ZNF423: variants seen among roughly 807,000 people sequenced by gnomAD.
The protein encoded by ZNF423 is Ebf-associated zinc finger protein.
ZNF423 carries 12 observed loss-of-function variants against 95.8 expected under a neutral mutation model. The ratio of observed to expected loss-of-function variants is 0.13; its 90% CI spans 0.08 to 0.20. The LOEUF (loss-of-function observed/expected upper bound fraction) is 0.20. Ranked by LOEUF, ZNF423 falls within the 10% of genes least tolerant of loss-of-function variation. ZNF423 has a pLI of 1.00. For synonymous variants in ZNF423, 749 were observed against 711.9 expected, an observed-to-expected ratio of 1.05 and a Z score of -0.83; for missense variants, 1,316 against 1,737.1, an observed-to-expected ratio of 0.76 and a Z score of 4.31.
chr16:49,750,438 G>A (rs1044282420), intron 2 of ZNF423, among the ~76,000 whole-genome samples: 4 of 152,224 alleles, frequency 2.6e-5, no homozygotes, highest in African/African-American at 9.6e-5. Context: ...ACTCCTCTGG[G>A]AGGTACCTTC....
chr16:49,673,147 A>C (rs2151927636), intron 3 of ZNF423, among the ~76,000 whole-genome samples: 1 of 152,350 alleles, frequency 6.6e-6, no homozygotes, highest in Non-Finnish European at 1.5e-5. Flanking sequence ...AAATATGCTA[A>C]ACACAGCCCC....
chr16:49,851,371 A>G (rs2035299762), intron 1 of ZNF423, among the ~76,000 whole-genome samples: 1 of 152,252 alleles, frequency 6.6e-6, no homozygotes, highest in East Asian at 1.9e-4. Context: ...CCAAATGAAC[A>G]GTTAAGAGAA....
intron 5 of ZNF423, among the ~76,000 whole-genome samples, chr16:49,576,571 GC>G (rs1970508502): frequency 6.6e-6 from 1 of 152,202 alleles, no homozygotes; most frequent in Non-Finnish European, 1.5e-5. Flanking sequence ...GTAGCTCAAG[GC>G]CAACCCTTAG....
At position 49,855,291 on chromosome 16, in the gene ZNF423, C is replaced by A. The variant is rs886356484; in HGVS notation, c.40+444G>T. ...AGCGAGGAGCGGTCGGCCTGCCGGG[C>A]GCCCGTCCTCGCCGCCTCTTCCTTC... On this transcript the variant is annotated intron_variant, in intron 1 of 7. Transcript: ENST00000563137. This position sits in a 1 kb window ranked among gnomAD's most constrained non-coding sequence, Gnocchi z 4.7. 3.3e-5 allele frequency among the ~76,000 whole-genome samples: 5 copies of A among 151,448 alleles called. No individual in the cohort carries two copies. The highest frequency in any genetic ancestry group is 6.6e-5 in the Admixed American group (1 of 15,224).
chr16:49,815,814 GGATT>G (rs2034826829), intron 1 of ZNF423, among the ~76,000 whole-genome samples: 1 of 138,072 alleles, frequency 7.2e-6, no homozygotes, highest in South Asian at 2.3e-4. Flanking sequence ...CTAGAAATCT[GGATT>G]TTTGTGCATA....
rs552485177 is a variant in ZNF423 at position 49,793,084 on chromosome 16, GAGAA to G, written c.41-3542_41-3539del. Among the ~76,000 whole-genome samples the G allele has an allele frequency of 1.2e-4, 19 of 152,184 alleles. 1 individual carries two copies. In the East Asian group the frequency reaches 3.5e-3, roughly 28 times the overall value. ...CGCCTGGTTTTTATACATTCTTGAT[GAGAA>G]AGAGTCAACACCCAACCCCCCACCA... On this transcript the variant is annotated intron_variant, in intron 1 of 7. Transcript: ENST00000563137.
chr16:49,769,192 C>A (rs533893511), intron 2 of ZNF423, among the ~76,000 whole-genome samples: 31 of 152,082 alleles, frequency 2.0e-4, no homozygotes, highest in African/African-American at 6.7e-4. Context: ...CCCATCTCTA[C>A]TAAAAATAAA....
intron 3 of ZNF423, among the ~76,000 whole-genome samples, chr16:49,724,582 G>A (rs112802194): frequency 1.3e-5 from 2 of 152,172 alleles, no homozygotes. Context: ...AGCAAGAAAG[G>A]GGCCTGAGCC....
intron 2 of ZNF423, among the ~76,000 whole-genome samples, chr16:49,782,322 C>T (rs1191361830): frequency 6.6e-6 from 1 of 152,218 alleles, no homozygotes; most frequent in African/African-American, 2.4e-5. Context: ...GCTGAGTGAC[C>T]TAGAACCAAG....
At chr16:49,622,437 C>A (rs150723815) in intron 5 of ZNF423, among the ~76,000 whole-genome samples, 1 of 152,082 alleles carries the variant, frequency 6.6e-6, no homozygotes, top group Non-Finnish European at 1.5e-5. Flanking sequence ...GCTCACCCCC[C>A]ATCCTGCTAT....
intron 1 of ZNF423, among the ~76,000 whole-genome samples, chr16:49,796,901 G>A (rs1375053440): frequency 6.6e-6 from 1 of 152,152 alleles, no homozygotes. Context: ...ATAACTTTAA[G>A]CACCCATAGA....
intron 1 of ZNF423, among the ~76,000 whole-genome samples, chr16:49,818,975 C>T (rs1597038743): frequency 1.3e-5 from 2 of 150,854 alleles, no homozygotes; most frequent in Non-Finnish European, 3.0e-5. Context: ...CAGCTCTGGC[C>T]GGGTGCAGTG....
intron 5 of ZNF423, among the ~76,000 whole-genome samples, chr16:49,581,101 C>G (rs943403945): frequency 6.6e-6 from 1 of 152,122 alleles, no homozygotes; most frequent in Non-Finnish European, 1.5e-5. Context: ...ACTCACCACC[C>G]GCTCCCCAAA....
intron 5 of ZNF423, among the ~76,000 whole-genome samples, chr16:49,585,663 C>T (rs948547690): frequency 6.6e-6 from 1 of 152,252 alleles, no homozygotes; most frequent in Non-Finnish European, 1.5e-5. Flanking sequence ...AGCCGGCTGA[C>T]TGTTCAAAGG....
intron 5 of ZNF423, among the ~76,000 whole-genome samples, chr16:49,625,764 G>C (rs1004509799): frequency 6.6e-6 from 1 of 152,230 alleles, no homozygotes; most frequent in Admixed American, 6.5e-5. Flanking sequence ...AAATAACTTT[G>C]TAAGCGTTCT....
chr16:49,610,022 A>G (rs1224871319), intron 5 of ZNF423, among the ~76,000 whole-genome samples: 2 of 152,240 alleles, frequency 1.3e-5, no homozygotes, highest in Non-Finnish European at 2.9e-5. Context: ...GCAAGAAGGA[A>G]GTGGCAGAGC....
intron 7 of ZNF423, among the ~76,000 whole-genome samples, chr16:49,520,980 T>A (rs745635948): frequency 1.6e-4 from 24 of 152,224 alleles, no homozygotes; most frequent in Admixed American, 1.2e-3. Context: ...TCTCAGTATT[T>A]GAGGATCTGA....
chr16:49,668,681 G>A (rs991904538), intron 3 of ZNF423, among the ~76,000 whole-genome samples: 11 of 152,130 alleles, frequency 7.2e-5, no homozygotes, highest in Non-Finnish European at 1.5e-4. Flanking sequence ...AGGACCTGGG[G>A]AAACAGTTCC....
At chr16:49,797,662 C>T (rs1412492828) in intron 1 of ZNF423, among the ~76,000 whole-genome samples, 1 of 152,212 alleles carries the variant, frequency 6.6e-6, no homozygotes, top group Non-Finnish European at 1.5e-5. Flanking sequence ...AAGCTCAGAC[C>T]ATCAGAAAAG....
Sources: gnomAD v4.1 joint callset for allele counts (sites outside exome capture counted in the v4.1 genomes callset) on GRCh38, gnomAD v4.1.1 for gene constraint, Gnocchi (gnomAD v3.1) non-coding constraint, MANE v1.5 for transcripts, NCBI Gene and HGNC (gene_info 2026-07-23, HGNC 2026-07-21) for gene names.